The following NEGR1 variants were observed in gnomAD, a reference collection of about 807,000 sequenced individuals.
NEGR1 encodes IgLON family member 4.
A neutral mutation model predicts 40.9 loss-of-function variants in NEGR1; 10 were observed. The observed-to-expected ratio is 0.24, with a 90% CI of 0.15 to 0.42. The LOEUF is 0.42. Ranked by LOEUF, NEGR1 falls within the 10% of genes least tolerant of loss-of-function variation. The probability of loss-of-function intolerance (pLI) is 1.00; values close to 1 mark genes in which losing one functional copy is unlikely to be tolerated. For synonymous variants in NEGR1, 185 were observed against 166.8 expected (o/e 1.11, Z -0.84); for missense variants, 352 against 438.9 (o/e 0.80, Z 1.77).
chr1:71,503,796 T>C (rs993387921), intron 6 of NEGR1, among the ~76,000 whole-genome samples: 1 of 151,906 alleles, frequency 6.6e-6, no homozygotes, highest in African/African-American at 2.4e-5. Context: ...TGAAATGATG[T>C]CTGTCATAAA....
chr1:71,418,691 C>T (rs1646373245), intron 6 of NEGR1, among the ~76,000 whole-genome samples: 1 of 152,106 alleles, frequency 6.6e-6, no homozygotes, highest in Non-Finnish European at 1.5e-5. Context: ...CTTACATGAT[C>T]CCTTCCTTAC....
chr1:72,248,610 T>C (rs919879197), intron 1 of NEGR1, among the ~76,000 whole-genome samples: 1 of 145,542 alleles, frequency 6.9e-6, no homozygotes, highest in Non-Finnish European at 1.5e-5. Context: ...TTATTATTAT[T>C]ATTATTTTAG....
At chr1:71,651,565 A>T (rs1319594354) in intron 4 of NEGR1, among the ~76,000 whole-genome samples, 2 of 152,060 alleles carry the variant, frequency 1.3e-5, no homozygotes, top group Non-Finnish European at 2.9e-5. Flanking sequence ...TGCTTTAATT[A>T]AAATACTTTT....
At chr1:71,970,771 A>G (rs537879221) in intron 1 of NEGR1, among the ~76,000 whole-genome samples, 1 of 152,296 alleles carries the variant, frequency 6.6e-6, no homozygotes, top group South Asian at 2.1e-4. Context: ...AAAAGAGAAC[A>G]TATACTCAGA....
intron 2 of NEGR1, among the ~76,000 whole-genome samples, chr1:71,894,158 C>G (rs994240284): frequency 3.0e-5 from 4 of 134,762 alleles, no homozygotes; most frequent in African/African-American, 1.1e-4. Flanking sequence ...ACCAGCATGG[C>G]ACATGTATAC....
At chr1:71,626,988 A>G (rs1353503119) in intron 4 of NEGR1, among the ~76,000 whole-genome samples, 1 of 152,188 alleles carries the variant, frequency 6.6e-6, no homozygotes, top group East Asian at 1.9e-4. Flanking sequence ...TTCAAAAGTC[A>G]GGAAACAACA....
intron 1 of NEGR1, among the ~76,000 whole-genome samples, chr1:71,950,980 A>G (rs1466151776): frequency 6.6e-6 from 1 of 151,934 alleles, no homozygotes; most frequent in African/African-American, 2.4e-5. Context: ...TTAATTTATC[A>G]TATGTGTGTC....
At chr1:71,800,959 A>G (rs1657535309) in intron 2 of NEGR1, among the ~76,000 whole-genome samples, 1 of 152,184 alleles carries the variant, frequency 6.6e-6, no homozygotes, top group Admixed American at 6.5e-5. Context: ...TAGTCATCAT[A>G]TAATTTTCTC....
chr1:71,704,203 A>G (rs1000299210), intron 3 of NEGR1, among the ~76,000 whole-genome samples: 1 of 147,472 alleles, frequency 6.8e-6, no homozygotes, highest in African/African-American at 2.5e-5. Flanking sequence ...ACACACACAC[A>G]AGATTTAAAA....
At chr1:71,791,596 G>T (rs1340143901) in intron 2 of NEGR1, among the ~76,000 whole-genome samples, 1 of 151,896 alleles carries the variant, frequency 6.6e-6, no homozygotes, top group Non-Finnish European at 1.5e-5. Context: ...CATAATAATA[G>T]AATATTTCAT....
At chr1:72,200,292 T>C (rs966443094) in intron 1 of NEGR1, among the ~76,000 whole-genome samples, 2 of 151,960 alleles carry the variant, frequency 1.3e-5, no homozygotes, top group African/African-American at 4.8e-5. Flanking sequence ...GTGGGCTCGA[T>C]AAAGAAAATT....
At chr1:72,269,367 G>T (rs1330469304) in intron 1 of NEGR1, among the ~76,000 whole-genome samples, 1 of 151,520 alleles carries the variant, frequency 6.6e-6, no homozygotes, top group African/African-American at 2.4e-5. Context: ...ATATCAGGAT[G>T]GGCATTCAGA....
At chr1:71,832,131 A>G (rs1320669977) in intron 2 of NEGR1, among the ~76,000 whole-genome samples, 1 of 151,960 alleles carries the variant, frequency 6.6e-6, no homozygotes, top group Non-Finnish European at 1.5e-5. Flanking sequence ...AAAGGAGAGA[A>G]GGGCAGAAGC....
rs1164564409 is a variant in NEGR1, at chr1:71,773,673, T to TA, written c.535+2498dup. Among the ~76,000 whole-genome samples the TA allele has an allele frequency of 2.0e-5, 3 of 152,300 alleles. No individual in the cohort carries two copies. The East Asian group carries it at 5.8e-4, about 29-fold the overall frequency. On this transcript the variant is annotated intron_variant, in intron 3 of 6. Coordinates refer to ENST00000357731, the MANE Select transcript of NEGR1 (RefSeq NM_173808.3). ...AATTTGAAATTATTGTAAGTGTTTATAAAAATCTCTGCCAAGTCTAGTTAT... is the reference window on the plus strand; with the variant it reads ...AATTTGAAATTATTGTAAGTGTTTATAAAAAATCTCTGCCAAGTCTAGTTAT...
intron 2 of NEGR1, among the ~76,000 whole-genome samples, chr1:71,919,248 T>G (rs1049748540): frequency 6.6e-6 from 1 of 152,126 alleles, no homozygotes; most frequent in African/African-American, 2.4e-5. Flanking sequence ...TCCGTCTTCC[T>G]CCATAATCAA....
At chr1:71,651,985 G>A (rs1651733713) in intron 4 of NEGR1, among the ~76,000 whole-genome samples, 1 of 152,062 alleles carries the variant, frequency 6.6e-6, no homozygotes, top group Non-Finnish European at 1.5e-5. Context: ...AATGTTTTAT[G>A]CCAACTCTTT....
At chr1:71,896,048 T>A (rs1463792210) in intron 2 of NEGR1, among the ~76,000 whole-genome samples, 1 of 149,322 alleles carries the variant, frequency 6.7e-6, no homozygotes, top group Non-Finnish European at 1.5e-5. Flanking sequence ...TTTTTTTTTT[T>A]TTTTTTTTTG....
intron 6 of NEGR1, among the ~76,000 whole-genome samples, chr1:71,493,466 C>G (rs1052402196): frequency 2.0e-5 from 3 of 152,044 alleles, no homozygotes; most frequent in African/African-American, 7.2e-5. Flanking sequence ...TATTTTTCCC[C>G]CTTGAATCCT....
intron 1 of NEGR1, among the ~76,000 whole-genome samples, chr1:72,043,646 A>G (rs1186053565): frequency 1.3e-5 from 2 of 151,956 alleles, no homozygotes; most frequent in African/African-American, 4.8e-5. Context: ...CTGTGTTGAC[A>G]TTGCTCAGAA....
Sources: allele counts gnomAD v4.1 joint callset (sites outside exome capture counted in the v4.1 genomes callset), GRCh38; gene constraint gnomAD v4.1.1; transcripts MANE v1.5; gene names NCBI Gene and HGNC (gene_info 2026-07-23, HGNC 2026-07-21).